FSHR: variants seen among roughly 807,000 people sequenced by gnomAD.
The protein encoded by FSHR is follicle stimulating hormone receptor.
FSHR carries 46 observed loss-of-function variants against 52.1 expected under a neutral mutation model. The ratio of observed to expected loss-of-function variants is 0.88; its 90% CI spans 0.70 to 1.13. FSHR has a LOEUF of 1.13. Among genes scored for constraint, FSHR ranks in the 50% most tolerant of loss-of-function variants. The probability of loss-of-function intolerance (pLI) is 0.00; values close to 1 mark genes in which losing one functional copy is unlikely to be tolerated. For missense variants in FSHR, 964 were observed against 834.6 expected (o/e 1.16, Z -1.91); for synonymous variants, 399 against 309.6 (o/e 1.29, Z -3.03).
At chr2:49,141,596 A>G (rs972744291) in intron 1 of FSHR, among the ~76,000 whole-genome samples, 3 of 152,196 alleles carry the variant, frequency 2.0e-5, no homozygotes, top group Admixed American at 1.3e-4. Flanking sequence ...AATGGGGATT[A>G]TGTTTCCATG....
intron 1 of FSHR, among the ~76,000 whole-genome samples, chr2:49,115,749 A>C (rs753846471): frequency 1.3e-5 from 2 of 152,180 alleles, no homozygotes; most frequent in East Asian, 3.8e-4. Context: ...AGGTGTCTTC[A>C]TTCATTTTGC....
rs115383359 is a variant in FSHR, at chr2:48,976,944, T to G, written c.668+5968A>C. 2.3e-3 allele frequency among the ~76,000 whole-genome samples: 350 copies of G among 152,270 alleles called. 1 individual carries two copies. The highest frequency in any genetic ancestry group is 8.1e-3 in the African/African-American group (338 of 41,546). On this transcript the variant is annotated intron_variant, in intron 8 of 9. Transcript: ENST00000406846. Reference sequence around the variant, plus strand: ...TCTTCCAAAAGCCAGCTCCTGGATTTACTGACGTTTTTGAGGGGTTTTTCG... The same window carrying G: ...TCTTCCAAAAGCCAGCTCCTGGATTGACTGACGTTTTTGAGGGGTTTTTCG...
At chr2:49,039,657 G>C (rs1377184571) in intron 2 of FSHR, among the ~76,000 whole-genome samples, 1 of 152,100 alleles carries the variant, frequency 6.6e-6, no homozygotes, top group Non-Finnish European at 1.5e-5. Context: ...ACTTGTCACA[G>C]TCATGTGTGA....
intron 4 of FSHR, chr2:48,997,266 C>T (rs1485571163): frequency 8.1e-6 from 8 of 984,962 alleles, no homozygotes; most frequent in Non-Finnish European, 9.6e-6. Flanking sequence ...CTTGCCTTTT[C>T]GATCTCACAT....
At chr2:49,069,748 A>G (rs1443391219) in intron 1 of FSHR, among the ~76,000 whole-genome samples, 2 of 152,130 alleles carry the variant, frequency 1.3e-5, no homozygotes, top group Non-Finnish European at 2.9e-5. Context: ...TAAGAATATT[A>G]TTCTTTCCCC....
chr2:48,980,162 AG>A (rs1215732064), intron 8 of FSHR, among the ~76,000 whole-genome samples: 1 of 152,196 alleles, frequency 6.6e-6, no homozygotes, highest in East Asian at 1.9e-4. Flanking sequence ...TTTTGGCCCC[AG>A]GGGGAAAAGA....
At chr2:49,111,269 C>T (rs1671413052) in intron 1 of FSHR, among the ~76,000 whole-genome samples, 1 of 152,148 alleles carries the variant, frequency 6.6e-6, no homozygotes, top group African/African-American at 2.4e-5. Flanking sequence ...GTTCTGCCTC[C>T]TGAGCTCTTT....
At position 49,020,006 on chromosome 2, in the gene FSHR, GGGCC is replaced by G. The variant is rs1159208250; in HGVS notation, c.299+76_299+79del. 10 of 1,191,250 alleles carry G rather than the reference GGGCC, an allele frequency of 8.4e-6. No homozygotes were observed. The South Asian group carries it at 1.2e-4, about 14-fold the overall frequency. The allele number at this position is 1,191,250 out of a possible 1,614,324, so 73.8% of individuals were successfully genotyped here. On this transcript the variant is annotated intron_variant, in intron 3 of 9. Coordinates refer to ENST00000406846, the MANE Select transcript of FSHR (RefSeq NM_000145.4). The stretch of plus-strand genomic sequence containing the variant: ...GGGATCTGAGGCCATGGCAGAATCA[GGGCC>G]TCCCAGGAATGTAGAAGAACTTTAA...
At chr2:48,998,671 T>G (rs988584889) in intron 4 of FSHR, among the ~76,000 whole-genome samples, 9 of 152,094 alleles carry the variant, frequency 5.9e-5, no homozygotes, top group Admixed American at 5.9e-4. Context: ...GGTATGGAGC[T>G]GTTCTTCCAT....
intron 4 of FSHR, among the ~76,000 whole-genome samples, chr2:48,998,961 T>C (rs980890916): frequency 4.6e-5 from 7 of 152,070 alleles, no homozygotes; most frequent in Admixed American, 3.3e-4. Flanking sequence ...CACACAAGAC[T>C]GCAGTCATAT....
chr2:48,999,123 G>A (rs1002344375), intron 4 of FSHR, among the ~76,000 whole-genome samples: 3 of 152,058 alleles, frequency 2.0e-5, no homozygotes, highest in African/African-American at 7.2e-5. Context: ...CTGAAGAGCT[G>A]CCAGGTGGAA....
chr2:49,020,940 G>C (rs1331746289), intron 2 of FSHR, among the ~76,000 whole-genome samples: 3 of 152,092 alleles, frequency 2.0e-5, no homozygotes, highest in African/African-American at 7.2e-5. Flanking sequence ...GCCTGTCAGG[G>C]GGTAGGATTG....
chr2:49,114,011 C>A (rs1330520655), intron 1 of FSHR, among the ~76,000 whole-genome samples: 6 of 152,156 alleles, frequency 3.9e-5, no homozygotes. Context: ...ATTTTTCCAG[C>A]TTCCAGGTCA....
At chr2:49,074,924 A>G (rs1168029742) in intron 1 of FSHR, among the ~76,000 whole-genome samples, 1 of 152,158 alleles carries the variant, frequency 6.6e-6, no homozygotes, top group Non-Finnish European at 1.5e-5. Context: ...GTTAAATGAA[A>G]CAAGCTAGGA....
At chr2:48,982,465 A>G (rs1339258286) in intron 8 of FSHR, among the ~76,000 whole-genome samples, 1 of 152,184 alleles carries the variant, frequency 6.6e-6, no homozygotes, top group East Asian at 1.9e-4. Flanking sequence ...TTTCCTTTCC[A>G]GGGAAGAGAC....
At chr2:49,008,666 C>T (rs1242789717) in intron 4 of FSHR, among the ~76,000 whole-genome samples, 1 of 141,538 alleles carries the variant, frequency 7.1e-6, no homozygotes, top group African/African-American at 2.7e-5. Context: ...GTTCCTATTT[C>T]TCCACATCCT....
At chr2:49,145,017 C>T (rs1423470482) in intron 1 of FSHR, among the ~76,000 whole-genome samples, 1 of 152,090 alleles carries the variant, frequency 6.6e-6, no homozygotes, top group Non-Finnish European at 1.5e-5. Flanking sequence ...TTAAGATTAG[C>T]TCTGGTCTTT....
intron 2 of FSHR, among the ~76,000 whole-genome samples, chr2:49,020,964 A>T (rs1572643616): frequency 6.6e-6 from 1 of 152,298 alleles, no homozygotes. Flanking sequence ...GAGGGAGAGC[A>T]TTAGGAAAAA....
intron 1 of FSHR, among the ~76,000 whole-genome samples, chr2:49,090,236 A>G (rs926410334): frequency 6.6e-6 from 1 of 152,148 alleles, no homozygotes; most frequent in African/African-American, 2.4e-5. Context: ...GAACAGCTCC[A>G]TCACCACAAA....
Sources: gnomAD v4.1 joint callset for allele counts (sites outside exome capture counted in the v4.1 genomes callset) on GRCh38, gnomAD v4.1.1 for gene constraint, MANE v1.5 for transcripts, NCBI Gene and HGNC (gene_info 2026-07-23, HGNC 2026-07-21) for gene names.